Variants in PTPRT observed in about 807,000 individuals in gnomAD.
PTPRT encodes the protein receptor-type tyrosine-protein phosphatase T.
In PTPRT, 56 loss-of-function variants were observed where a neutral mutation model predicts 176.8. The observed-to-expected ratio is 0.32, with a 90% CI of 0.26 to 0.40. The LOEUF is 0.40. PTPRT is among the 10% of genes least tolerant of loss of function. PTPRT has a pLI of 1.00. For missense variants in PTPRT, 1,540 were observed against 1,908.2 expected, an observed-to-expected ratio of 0.81 and a Z score of 3.60; for synonymous variants, 783 against 739.0, an observed-to-expected ratio of 1.06 and a Z score of -0.96.
chr20:43,018,068 C>A (rs1196664501), intron 1 of PTPRT, among the ~76,000 whole-genome samples: 2 of 152,194 alleles, frequency 1.3e-5, no homozygotes, highest in African/African-American at 4.8e-5. Flanking sequence ...TCCTATTCTG[C>A]AACTGAAGGA....
intron 9 of PTPRT, among the ~76,000 whole-genome samples, chr20:42,443,106 A>C (rs2059332717): frequency 6.6e-6 from 1 of 152,238 alleles, no homozygotes; most frequent in Non-Finnish European, 1.5e-5. Context: ...GGTGAGCAGG[A>C]ATATTCCTTA....
chr20:42,928,797 T>A (rs1979650226), intron 1 of PTPRT, among the ~76,000 whole-genome samples: 1 of 152,146 alleles, frequency 6.6e-6, no homozygotes, highest in South Asian at 2.1e-4. Context: ...CTGCAACTAT[T>A]TCAGGGAAGA....
intron 15 of PTPRT, among the ~76,000 whole-genome samples, chr20:42,222,230 G>C: frequency 6.6e-6 from 1 of 152,140 alleles, no homozygotes; most frequent in Non-Finnish European, 1.5e-5. Flanking sequence ...TCCTTCATAT[G>C]ACCTGTGCCC....
chr20:42,952,382 G>A (rs1981308548), intron 1 of PTPRT, among the ~76,000 whole-genome samples: 1 of 152,204 alleles, frequency 6.6e-6, no homozygotes, highest in Non-Finnish European at 1.5e-5. Context: ...AGGACAGTGA[G>A]AACAAAAATA....
chr20:42,741,376 C>A (rs926199975), intron 6 of PTPRT, among the ~76,000 whole-genome samples: 14 of 152,108 alleles, frequency 9.2e-5, no homozygotes, highest in Admixed American at 3.9e-4. Context: ...TGGAGTCTTG[C>A]TCTTGTCGCC....
chr20:42,471,724 C>T (rs1035762619), intron 8 of PTPRT, among the ~76,000 whole-genome samples: 4 of 152,006 alleles, frequency 2.6e-5, no homozygotes, highest in African/African-American at 9.7e-5. Flanking sequence ...GGTGCGATCT[C>T]GGCTCACTGC....
At chr20:42,154,344 C>G (rs1448240836) in intron 17 of PTPRT, among the ~76,000 whole-genome samples, 1 of 152,160 alleles carries the variant, frequency 6.6e-6, no homozygotes, top group Non-Finnish European at 1.5e-5. Context: ...CTGGGGTGAC[C>G]TGAAACTTCC....
chr20:42,901,695 T>C (rs1279225431), intron 1 of PTPRT, among the ~76,000 whole-genome samples: 1 of 152,112 alleles, frequency 6.6e-6, no homozygotes, highest in African/African-American at 2.4e-5. Context: ...AAGACCCCCA[T>C]GGGCTGCTTC....
At chr20:42,519,343 C>G (rs779006317) in intron 7 of PTPRT, among the ~76,000 whole-genome samples, 14 of 151,976 alleles carry the variant, frequency 9.2e-5, no homozygotes, top group African/African-American at 3.4e-4. Context: ...TGTGCAGGTA[C>G]CAATTTGTTT....
the PTPRT span, among the ~76,000 whole-genome samples, chr20:42,042,282 C>T: frequency 2.0e-4 from 31 of 152,236 alleles, no homozygotes; most frequent in African/African-American, 6.3e-4. Flanking sequence ...CATTAGTGAG[C>T]AATAGAGATT....
intron 7 of PTPRT, among the ~76,000 whole-genome samples, chr20:42,482,234 A>AGGGCACACATTTAAAAT: frequency 6.6e-6 from 1 of 152,174 alleles, no homozygotes; most frequent in Non-Finnish European, 1.5e-5. Context: ...GACAAGAGCA[A>AGGGCACACATTTAAAAT]GGAGGCTAAT....
At chr20:42,118,096 G>A (rs1987388105) in intron 21 of PTPRT, among the ~76,000 whole-genome samples, 2 of 152,180 alleles carry the variant, frequency 1.3e-5, no homozygotes. Context: ...AGAACAAGAG[G>A]ACAGTTGTAG....
chr20:42,402,474 T>G (rs577126377), intron 9 of PTPRT, among the ~76,000 whole-genome samples: 39 of 113,800 alleles, frequency 3.4e-4, no homozygotes, highest in African/African-American at 1.4e-3. Flanking sequence ...TCAGGGAGGA[T>G]AGTGCAGTTA....
chr20:42,503,522 T>C (rs2071792049), intron 7 of PTPRT, among the ~76,000 whole-genome samples: 1 of 152,126 alleles, frequency 6.6e-6, no homozygotes, highest in South Asian at 2.1e-4. Flanking sequence ...CTTGATCTCA[T>C]TGTGATTAGA....
chr20:43,055,995 A>G (rs1226768789), intron 1 of PTPRT, among the ~76,000 whole-genome samples: 1 of 152,228 alleles, frequency 6.6e-6, no homozygotes. Context: ...AAACTATTAT[A>G]TTAGACAGAA....
intron 9 of PTPRT, among the ~76,000 whole-genome samples, chr20:42,363,887 A>C (rs11697499): frequency 2.0e-5 from 3 of 151,876 alleles, no homozygotes; most frequent in Admixed American, 6.6e-5. Flanking sequence ...TTTTGTCATC[A>C]TGAAGAGTGG....
chr20:42,353,246 A>T (rs2058312504), intron 9 of PTPRT, among the ~76,000 whole-genome samples: 1 of 152,198 alleles, frequency 6.6e-6, no homozygotes, highest in African/African-American at 2.4e-5. Flanking sequence ...TTAAAAATGC[A>T]GATCCCAGGC....
intron 9 of PTPRT, among the ~76,000 whole-genome samples, chr20:42,382,429 C>T (rs962922745): frequency 6.6e-6 from 1 of 152,120 alleles, no homozygotes; most frequent in Non-Finnish European, 1.5e-5. Flanking sequence ...CTGGGTACAC[C>T]ATTGGCAGAC....
At chr20:42,219,296 A>C (rs543041311) in intron 15 of PTPRT, among the ~76,000 whole-genome samples, 2 of 152,292 alleles carry the variant, frequency 1.3e-5, no homozygotes, top group East Asian at 3.9e-4. Context: ...TGCTTCAAAC[A>C]CTTTGTGTCT....
Sources: gnomAD v4.1 joint callset for allele counts (sites outside exome capture counted in the v4.1 genomes callset) on GRCh38, gnomAD v4.1.1 for gene constraint, MANE v1.5 for transcripts, NCBI Gene and HGNC (gene_info 2026-07-23, HGNC 2026-07-21) for gene names.